Variants in TMEM106B observed in about 807,000 individuals in gnomAD.
The protein encoded by TMEM106B is transmembrane protein 106B.
In TMEM106B, 15 loss-of-function variants were observed where a neutral mutation model predicts 31.1. The ratio of observed to expected loss-of-function variants is 0.48; its 90% CI spans 0.32 to 0.74. The LOEUF (loss-of-function observed/expected upper bound fraction) is 0.74, where lower values mean the gene tolerates loss of function less well. Among genes scored for constraint, TMEM106B ranks in the 30% least tolerant of loss-of-function variants. TMEM106B has a pLI of 0.03. For synonymous variants in TMEM106B, 126 were observed against 112.5 expected (o/e 1.12, Z -0.76); for missense variants, 283 against 327.3 (o/e 0.86, Z 1.04).
intron 4 of TMEM106B, among the ~76,000 whole-genome samples, chr7:12,224,677 G>A (rs1781863952): frequency 6.6e-6 from 1 of 152,142 alleles, no homozygotes; most frequent in Non-Finnish European, 1.5e-5. Context: ...TTCAGCATAT[G>A]ACTCTGAATA....
In TMEM106B at chr7:12,240,109, A is replaced by G. The variant is rs558714918; in HGVS notation, c.*8134A>G. On this transcript the variant is annotated 3_prime_UTR_variant, in exon 8 of 8. Coordinates refer to ENST00000396668, the MANE Select transcript of TMEM106B (RefSeq NM_001134232.2). ...GTTGAGAACCTTTCATTAGCTGGCT[A>G]CAATCTCAGTTCACAATCATTTCTT... 2.6e-5 allele frequency: 4 copies of G among 152,300 alleles called. No homozygotes were observed. In the East Asian group the frequency reaches 7.7e-4, roughly 29 times the overall value. The allele number at this position is 152,300 out of a possible 1,614,324, so 9.4% of individuals were successfully genotyped here.
chr7:12,229,832 C>T lies in TMEM106B; in HGVS notation c.582+13C>T, dbSNP rs760720882. ...TGATATGAAACAAGTAAGAATCAAT[C>T]ATGAAATACTTTGTAAGAGTTAAAT... On this transcript the variant is annotated intron_variant, in intron 5 of 7. Transcript: ENST00000396668. 15 of 1,591,566 alleles carry T rather than the reference C, an allele frequency of 9.4e-6. No homozygotes were observed. Among genetic ancestry groups the T allele is most frequent in the Non-Finnish European group, 1.3e-5 (15 of 1,170,888 alleles).
intron 1 of TMEM106B, among the ~76,000 whole-genome samples, chr7:12,213,845 A>G (rs1190699309): frequency 6.6e-6 from 1 of 152,184 alleles, no homozygotes; most frequent in African/African-American, 2.4e-5. Flanking sequence ...AACTAAGTGG[A>G]ACCCGCTTCT....
rs1303713876 is a variant in TMEM106B at position 12,231,218 on chromosome 7, T to G, written c.686+103T>G. On this transcript the variant is annotated intron_variant, in intron 7 of 7. Coordinates refer to ENST00000396668, the MANE Select transcript of TMEM106B (RefSeq NM_001134232.2). The stretch of plus-strand genomic sequence containing the variant: ...ACATCTTTATAAATGCCACCTCAGT[T>G]GGGTTTTAAGCCTTACAAGAGTGCT... 8.2e-6 allele frequency: 7 copies of G among 858,150 alleles called. No individual in the cohort carries two copies. The East Asian group carries it at 1.8e-4, about 22-fold the overall frequency. The allele number at this position is 858,150 out of a possible 1,614,324, so 53.2% of individuals were successfully genotyped here. A position where few individuals can be genotyped will look rare whatever the true frequency, so the allele number is the denominator to read the frequency against.
rs3823612 is a variant in TMEM106B, at chr7:12,219,129, G to A, written c.281+608G>A. On this transcript the variant is annotated intron_variant, in intron 3 of 7. Transcript: ENST00000396668. ...TGGACCATCCTAAATCCTCAGAGAC[G>A]TTAGGAAATGTGGAAGCAAAAATTA... 3.3e-5 allele frequency among the ~76,000 whole-genome samples: 5 copies of A among 152,016 alleles called. No individual in the cohort carries two copies. The East Asian group carries it at 5.8e-4, about 18-fold the overall frequency.
chr7:12,221,502 G>A (rs1781787114), intron 3 of TMEM106B, among the ~76,000 whole-genome samples: 1 of 152,116 alleles, frequency 6.6e-6, no homozygotes, highest in Admixed American at 6.6e-5. Flanking sequence ...ATAGAATAAT[G>A]CCTGAAATAC....
At position 12,240,469 on chromosome 7, in the gene TMEM106B, T is replaced by G. The variant is rs1039756210; in HGVS notation, c.*8494T>G. 5 of 152,336 alleles carry G rather than the reference T, an allele frequency of 3.3e-5. No homozygotes were observed. In the South Asian group the frequency reaches 1.0e-3, roughly 32 times the overall value. 9.4% of individuals were successfully genotyped at this position (152,336 alleles called of 1,614,324 possible). On this transcript the variant is annotated 3_prime_UTR_variant, in exon 8 of 8. Coordinates refer to ENST00000396668, the MANE Select transcript of TMEM106B (RefSeq NM_001134232.2). ...TTTCATCAACTTTTTTCAAACAATT[T>G]TTGTCAGCTTAGAGGTTGTGTTTTA...
At chr7:12,222,703 TG>T (rs1173274713) in intron 3 of TMEM106B, among the ~76,000 whole-genome samples, 1 of 152,198 alleles carries the variant, frequency 6.6e-6, no homozygotes, top group African/African-American at 2.4e-5. Context: ...GAGTCCAAAA[TG>T]AGTGAGTGGG....
intron 4 of TMEM106B, among the ~76,000 whole-genome samples, chr7:12,226,916 T>A (rs1781912714): frequency 9.1e-6 from 1 of 109,780 alleles, no homozygotes. Context: ...TTCTTTTTTA[T>A]ACACTGTTTA....
intron 3 of TMEM106B, among the ~76,000 whole-genome samples, chr7:12,219,223 A>G (rs1033402704): frequency 2.0e-5 from 3 of 152,166 alleles, no homozygotes; most frequent in Non-Finnish European, 2.9e-5. Flanking sequence ...ACAGGACAGG[A>G]GTTAGGAAGG....
At position 12,224,325 on chromosome 7, in the gene TMEM106B, T is replaced by G; in HGVS notation, c.381T>G (p.Gly127=). ...GCTCTATCGACGTGAAATACATTGG[T>G]GTAAAATCAGCCTATGTCAGTTATG... ...FPRSIDVKYI[G]VKSAYVSYDV... is the part of the protein sequence containing the mutation. The change falls in exon 4 of 8, where the codon GGT becomes GGG. Residue 127 remains glycine, a synonymous_variant. Coordinates refer to ENST00000396668, the MANE Select transcript of TMEM106B (RefSeq NM_001134232.2). 6.2e-7 allele frequency: 1 copy of G among 1,613,986 alleles called. No homozygotes were observed. Among genetic ancestry groups the G allele is most frequent in the Non-Finnish European group, 8.5e-7 (1 of 1,179,886 alleles).
At chr7:12,222,000 T>G (rs369532006) in intron 3 of TMEM106B, among the ~76,000 whole-genome samples, 33 of 152,330 alleles carry the variant, frequency 2.2e-4, no homozygotes, top group African/African-American at 7.7e-4. Context: ...GGGAACAACT[T>G]TGGGTCTTTA....
chr7:12,223,071 A>G (rs1017087850), intron 3 of TMEM106B, among the ~76,000 whole-genome samples: 1 of 152,198 alleles, frequency 6.6e-6, no homozygotes. Context: ...GAGGACTTGT[A>G]TGTTAGAGAG....
In TMEM106B at chr7:12,236,122, TTC is replaced by T. The variant is rs984500312; in HGVS notation, c.*4149_*4150del. On this transcript the variant is annotated 3_prime_UTR_variant, in exon 8 of 8. Coordinates refer to ENST00000396668, the MANE Select transcript of TMEM106B (RefSeq NM_001134232.2). ...GATGTGTTCAGATCAAAAATTTAAC[TTC>T]TGTGTCCCAGATCTACTTTCAAAGT... is the stretch of plus-strand genomic sequence containing the variant. 5 of 151,952 alleles carry T rather than the reference TTC, an allele frequency of 3.3e-5. No individual in the cohort carries two copies. The highest frequency in any genetic ancestry group is 1.2e-4 in the African/African-American group (5 of 41,440). 9.4% of individuals were successfully genotyped at this position (151,952 alleles called of 1,614,324 possible).
At chr7:12,212,508 AAG>A (rs1043414742) in intron 1 of TMEM106B, among the ~76,000 whole-genome samples, 1 of 150,898 alleles carries the variant, frequency 6.6e-6, no homozygotes, top group Non-Finnish European at 1.5e-5. Context: ...TTTTTTTTGA[AAG>A]AGTGAAAATC....
At chr7:12,211,834 C>G (rs543586057) in intron 1 of TMEM106B, among the ~76,000 whole-genome samples, 3 of 152,180 alleles carry the variant, frequency 2.0e-5, no homozygotes, top group South Asian at 2.1e-4. Flanking sequence ...GAACTAAAAC[C>G]AGTGTCTACA....
At position 12,236,500 on chromosome 7, in the gene TMEM106B, A is replaced by G. The variant is rs1371793339; in HGVS notation, c.*4525A>G. 1 of 151,916 alleles carries G rather than the reference A, an allele frequency of 6.6e-6. No individual in the cohort carries two copies. Among genetic ancestry groups the G allele is most frequent in the African/African-American group, 2.4e-5 (1 of 41,386 alleles). The allele number at this position is 151,916 out of a possible 1,614,324, so 9.4% of individuals were successfully genotyped here. On this transcript the variant is annotated 3_prime_UTR_variant, in exon 8 of 8. Transcript: ENST00000396668. Reference sequence around the variant, plus strand: ...GGAAGCTGTTACCCTTCTGTTTTTAATTACATTAATTGAAATGTGTTTTAA... The same window carrying G: ...GGAAGCTGTTACCCTTCTGTTTTTAGTTACATTAATTGAAATGTGTTTTAA...
At chr7:12,219,163 G>A (rs1008682515) in intron 3 of TMEM106B, among the ~76,000 whole-genome samples, 1 of 152,072 alleles carries the variant, frequency 6.6e-6, no homozygotes, top group East Asian at 1.9e-4. Flanking sequence ...TATTGCAAAA[G>A]GATACAAATA....
chr7:12,225,642 G>A (rs541841003), intron 4 of TMEM106B, among the ~76,000 whole-genome samples: 1 of 152,056 alleles, frequency 6.6e-6, no homozygotes, highest in East Asian at 1.9e-4. Flanking sequence ...ATTTTTTCAT[G>A]TGTCTGTTGG....
Sources: allele counts gnomAD v4.1 joint callset (sites outside exome capture counted in the v4.1 genomes callset), GRCh38; gene constraint gnomAD v4.1.1; transcripts MANE v1.5; gene names NCBI Gene and HGNC (gene_info 2026-07-23, HGNC 2026-07-21).